The following POU6F2 variants were observed in gnomAD, a reference collection of about 807,000 sequenced individuals.
The protein encoded by POU6F2 is POU domain, class 6, transcription factor 2.
In POU6F2, 31 loss-of-function variants were observed where a neutral mutation model predicts 71.3. The observed-to-expected ratio is 0.43, with a 90% CI of 0.33 to 0.59. The LOEUF is 0.59. Ranked by LOEUF, POU6F2 falls within the 20% of genes least tolerant of loss-of-function variation. The pLI, the probability that POU6F2 is intolerant of heterozygous loss-of-function variation, is 0.04. For synonymous variants in POU6F2, 347 were observed against 355.7 expected (o/e 0.98, Z 0.27); for missense variants, 783 against 856.8 (o/e 0.91, Z 1.07).
intron 4 of POU6F2, among the ~76,000 whole-genome samples, chr7:39,255,038 C>T (rs1381435289): frequency 6.6e-6 from 1 of 152,104 alleles, no homozygotes; most frequent in Admixed American, 6.5e-5. Context: ...TGTGAATATC[C>T]TTTTATATAT....
At chr7:38,991,373 C>T (rs859533) in intron 1 of POU6F2, among the ~76,000 whole-genome samples, 27,117 of 152,090 alleles carry the variant, frequency 0.18, 2,674 homozygotes, top group Middle Eastern at 0.26. Context: ...TGGCTTTAGA[C>T]CTGCAACCAA....
At chr7:39,139,485 T>A (rs1240758353) in intron 2 of POU6F2, among the ~76,000 whole-genome samples, 2 of 152,202 alleles carry the variant, frequency 1.3e-5, no homozygotes, top group Non-Finnish European at 2.9e-5. Flanking sequence ...ATTTGTTTTA[T>A]CTTAGTTTTC....
Position 39,368,961 on chromosome 7 carries a change from T to C in POU6F2, c.972+28946T>C, listed in dbSNP as rs1786557229. ...AACTGAAGGTGGGGTGGAAATATAA[T>C]AGCAAGAGAACTAGAATTAGAAGTG... On this transcript the variant is annotated intron_variant, in intron 5 of 9. Coordinates refer to ENST00000518318, the MANE Select transcript of POU6F2 (RefSeq NM_001370959.1). 1.3e-5 allele frequency among the ~76,000 whole-genome samples: 2 copies of C among 152,126 alleles called. 1 individual carries two copies. Among genetic ancestry groups the C allele is most frequent in the East Asian group, 3.8e-4 (2 of 5,196 alleles).
chr7:39,089,399 A>C (rs2050500770), intron 2 of POU6F2, among the ~76,000 whole-genome samples: 1 of 152,178 alleles, frequency 6.6e-6, no homozygotes, highest in Non-Finnish European at 1.5e-5. Flanking sequence ...TTATCAGAGA[A>C]TCTGGCGCTG....
chr7:39,281,083 T>G (rs1052942278), intron 4 of POU6F2, among the ~76,000 whole-genome samples: 1 of 151,846 alleles, frequency 6.6e-6, no homozygotes, highest in Non-Finnish European at 1.5e-5. Context: ...AACACGTTCA[T>G]TTAGAAATCA....
At chr7:39,411,666 G>A (rs1415528320) in intron 6 of POU6F2, among the ~76,000 whole-genome samples, 1 of 152,192 alleles carries the variant, frequency 6.6e-6, no homozygotes, top group Non-Finnish European at 1.5e-5. Flanking sequence ...GGTGAGATTT[G>A]GAAGGATTTT....
intron 5 of POU6F2, chr7:39,406,351 G>A (rs1787426380): frequency 2.0e-6 from 1 of 495,440 alleles, no homozygotes; most frequent in Non-Finnish European, 3.6e-6. Flanking sequence ...GTTCAGGCTC[G>A]TTCCCTCCTG....
chr7:39,030,189 G>A (rs931793772), intron 1 of POU6F2, among the ~76,000 whole-genome samples: 3 of 151,854 alleles, frequency 2.0e-5, no homozygotes, highest in Admixed American at 6.6e-5. Context: ...TGAATTAAAT[G>A]TATATAATAA....
intron 1 of POU6F2, among the ~76,000 whole-genome samples, chr7:39,084,098 T>TC (rs1452063025): frequency 2.0e-5 from 3 of 152,120 alleles, no homozygotes; most frequent in Non-Finnish European, 2.9e-5. Context: ...CTCTCCCTCA[T>TC]CCCCCTCCTT....
chr7:39,210,704 G>A (rs1380186647), intron 4 of POU6F2, among the ~76,000 whole-genome samples: 1 of 151,958 alleles, frequency 6.6e-6, no homozygotes. Context: ...ATGTCTCCTG[G>A]GAGCTTGCTG....
intron 1 of POU6F2, among the ~76,000 whole-genome samples, chr7:39,051,228 G>A (rs1011348885): frequency 6.6e-6 from 1 of 152,098 alleles, no homozygotes; most frequent in Non-Finnish European, 1.5e-5. Flanking sequence ...CTGATAGGCA[G>A]AAGTTCTACA....
chr7:39,099,690 A>G lies in POU6F2; in HGVS notation c.277+13659A>G, dbSNP rs76254125. ...ATGTCTCCGTTTCCTCTTCTGAAAC[A>G]TGAGTGTTAAAATACCTATCTGATG... On this transcript the variant is annotated intron_variant, in intron 2 of 9. Transcript: ENST00000518318. Among the ~76,000 whole-genome samples the G allele has an allele frequency of 1.3e-3, 200 of 152,328 alleles. 4 individuals are homozygous for G. The South Asian group carries it at 0.024, about 18-fold the overall frequency.
chr7:39,244,534 T>C (rs1201054953), intron 4 of POU6F2, among the ~76,000 whole-genome samples: 1 of 152,228 alleles, frequency 6.6e-6, no homozygotes, highest in Non-Finnish European at 1.5e-5. Context: ...TGGTATTAAC[T>C]TACTGGTGGT....
At position 39,016,039 on chromosome 7, in the gene POU6F2, ATTATATAT is replaced by A. The variant is rs376043642; in HGVS notation, c.105+37983_105+37990del. Among the ~76,000 whole-genome samples the A allele has an allele frequency of 3.3e-4, 19 of 56,842 alleles. 1 individual carries two copies. Among genetic ancestry groups the A allele is most frequent in the South Asian group, 1.4e-3 (2 of 1,462 alleles). The allele number at this position is 56,842 out of a possible 152,430, so 37.3% of individuals were successfully genotyped here. On this transcript the variant is annotated intron_variant, in intron 1 of 9. Transcript: ENST00000518318. ...TTATATATATTATATATAGATATAT[ATTATATAT>A]TATATATATTATATATAATATATAG...
chr7:39,313,757 A>G (rs1338261697), intron 4 of POU6F2, among the ~76,000 whole-genome samples: 1 of 152,208 alleles, frequency 6.6e-6, no homozygotes. Context: ...AATGTCAACA[A>G]TGACTTTTCA....
intron 4 of POU6F2, among the ~76,000 whole-genome samples, chr7:39,326,778 C>A (rs1201348400): frequency 6.6e-6 from 1 of 152,140 alleles, no homozygotes; most frequent in African/African-American, 2.4e-5. Flanking sequence ...AATTTTCATA[C>A]CAAGCTCCTC....
intron 5 of POU6F2, among the ~76,000 whole-genome samples, chr7:39,348,984 C>T (rs569674351): frequency 1.3e-5 from 2 of 152,270 alleles, no homozygotes; most frequent in South Asian, 4.1e-4. Context: ...ATTAATATCT[C>T]CTGTGAAAAA....
chr7:39,356,212 G>T (rs1407091624), intron 5 of POU6F2, among the ~76,000 whole-genome samples: 1 of 152,118 alleles, frequency 6.6e-6, no homozygotes, highest in East Asian at 1.9e-4. Context: ...ACCCTCTGCT[G>T]GCCTGTTTAG....
chr7:39,339,132 C>G (rs1344066893), intron 4 of POU6F2, among the ~76,000 whole-genome samples: 1 of 150,500 alleles, frequency 6.6e-6, no homozygotes, highest in Non-Finnish European at 1.5e-5. Context: ...ATCTAAGCAA[C>G]TGGGTGGAGA....
Sources: allele counts gnomAD v4.1 joint callset (sites outside exome capture counted in the v4.1 genomes callset), GRCh38; gene constraint gnomAD v4.1.1; transcripts MANE v1.5; gene names NCBI Gene and HGNC (gene_info 2026-07-23, HGNC 2026-07-21).